GPD1L: variants seen among roughly 807,000 people sequenced by gnomAD.
The protein encoded by GPD1L is glycerol-3-phosphate dehydrogenase 1 like.
Under a neutral mutation model 32.9 loss-of-function variants are expected in GPD1L, and 17 were observed. The ratio of observed to expected loss-of-function variants is 0.52; its 90% CI spans 0.35 to 0.78. The LOEUF (loss-of-function observed/expected upper bound fraction) is 0.78, where lower values mean the gene tolerates loss of function less well. Among genes scored for constraint, GPD1L ranks in the 30% least tolerant of loss-of-function variants. The pLI, the probability that GPD1L is intolerant of heterozygous loss-of-function variation, is 0.01. For missense variants in GPD1L, 361 were observed against 447.8 expected (o/e 0.81, Z 1.75); for synonymous variants, 187 against 165.9 (o/e 1.13, Z -0.98).
intron 1 of GPD1L, among the ~76,000 whole-genome samples, chr3:32,119,378 TC>T (rs1169550411): frequency 4.6e-5 from 7 of 152,210 alleles, no homozygotes; most frequent in Admixed American, 1.3e-4. Context: ...CAATTTTACA[TC>T]CTTTTTGTTA....
intron 2 of GPD1L, among the ~76,000 whole-genome samples, chr3:32,128,703 C>T (rs1700547211): frequency 6.6e-6 from 1 of 152,184 alleles, no homozygotes; most frequent in South Asian, 2.1e-4. Context: ...TTTTAAGACA[C>T]TGTTTCCAGA....
Position 32,165,903 on chromosome 3 carries a change from A to G in GPD1L, c.1049A>G (p.His350Arg), listed in dbSNP as rs1241638042. 3 of 1,571,492 alleles carry G rather than the reference A, an allele frequency of 1.9e-6. No individual in the cohort carries two copies. Among genetic ancestry groups the G allele is most frequent in the Non-Finnish European group, 2.6e-6 (3 of 1,140,874 alleles). The change falls in exon 8 of 8, where the codon CAT (histidine) becomes CGT (arginine). Residue 350 changes from histidine to arginine, a missense_variant. Coordinates refer to ENST00000282541, the MANE Select transcript of GPD1L (RefSeq NM_015141.4). ...TCTTGTCTTCAGAGCCATCCAGAGC[A>G]TACATAAAGTGAATCATGCAACGTG... is the stretch of plus-strand genomic sequence containing the variant. ...MLSCLQSHPEHT is the reference protein window; with the variant it reads ...MLSCLQSHPERT
intron 1 of GPD1L, among the ~76,000 whole-genome samples, chr3:32,107,433 T>C (rs143455295): frequency 5.3e-5 from 8 of 152,310 alleles, no homozygotes; most frequent in Non-Finnish European, 7.4e-5. Context: ...ACATTAGAAA[T>C]GTCAGTTCTT....
intron 1 of GPD1L, among the ~76,000 whole-genome samples, chr3:32,111,425 C>T (rs747400127): frequency 6.6e-6 from 1 of 152,184 alleles, no homozygotes; most frequent in Non-Finnish European, 1.5e-5. Flanking sequence ...AAGCGCTTCT[C>T]TCTAAGAATC....
chr3:32,124,175 C>T (rs555845028), intron 1 of GPD1L, among the ~76,000 whole-genome samples: 2 of 152,306 alleles, frequency 1.3e-5, no homozygotes, highest in South Asian at 4.1e-4. Context: ...AAGCGATTCT[C>T]CTGCCTCAGC....
chr3:32,118,327 A>G (rs1700358956), intron 1 of GPD1L, among the ~76,000 whole-genome samples: 1 of 152,240 alleles, frequency 6.6e-6, no homozygotes, highest in Admixed American at 6.5e-5. Flanking sequence ...TATTCATGCA[A>G]CAAATGTTTG....
intron 1 of GPD1L, among the ~76,000 whole-genome samples, chr3:32,112,007 G>A (rs567606627): frequency 2.6e-5 from 4 of 152,160 alleles, no homozygotes; most frequent in Non-Finnish European, 4.4e-5. Flanking sequence ...GAGGACAGGC[G>A]CACGGACACA....
At chr3:32,141,253 T>A (rs1700738469) in intron 4 of GPD1L, among the ~76,000 whole-genome samples, 1 of 152,218 alleles carries the variant, frequency 6.6e-6, no homozygotes, top group African/African-American at 2.4e-5. Flanking sequence ...GTAGGACTTT[T>A]TAGGATTTTT....
In GPD1L at chr3:32,152,289, AATTCT is replaced by A. The variant is rs573778423; in HGVS notation, c.618+5563_618+5567del. ...ATGTAAAATCCAGAATGTATATGAC[AATTCT>A]ATTCTATAGAATTCGCAGGGATCCA... is the stretch of plus-strand genomic sequence containing the variant. On this transcript the variant is annotated intron_variant, in intron 5 of 7. Transcript: ENST00000282541. 1.7e-3 allele frequency among the ~76,000 whole-genome samples: 261 copies of A among 152,312 alleles called. 1 individual carries two copies. The Middle Eastern group carries it at 0.034, about 20-fold the overall frequency.
intron 2 of GPD1L, among the ~76,000 whole-genome samples, chr3:32,131,547 T>C (rs1217428374): frequency 6.6e-6 from 1 of 152,232 alleles, no homozygotes; most frequent in Non-Finnish European, 1.5e-5. Context: ...TGCATAATGC[T>C]GTGAAGCTCC....
At chr3:32,159,525 C>G in intron 6 of GPD1L, 43 bp from the exon 7 acceptor site, 5 of 1,089,930 alleles carry the variant, frequency 4.6e-6, no homozygotes, top group Non-Finnish European at 7.0e-6. Context: ...ATTCTTTAGT[C>G]TTTACCATAG....
chr3:32,125,864 T>C (rs1181867512), intron 1 of GPD1L, among the ~76,000 whole-genome samples: 1 of 152,216 alleles, frequency 6.6e-6, no homozygotes, highest in Non-Finnish European at 1.5e-5. Flanking sequence ...AAATTATTGA[T>C]GAAACCAGGA....
At chr3:32,152,666 C>T (rs1329208542) in intron 5 of GPD1L, among the ~76,000 whole-genome samples, 1 of 152,130 alleles carries the variant, frequency 6.6e-6, no homozygotes, top group Non-Finnish European at 1.5e-5. Flanking sequence ...GGCCCCACCT[C>T]CCAACACTGC....
Position 32,138,594 on chromosome 3 carries a change from T to A in GPD1L, c.233T>A (p.Met78Lys). The A allele has an allele frequency of 6.2e-7, 1 of 1,614,072 alleles. No homozygotes were observed. Among genetic ancestry groups the A allele is most frequent in the Non-Finnish European group, 8.5e-7 (1 of 1,179,938 alleles). ...GHKLPENVVAMSNLSEAVQDA... is the reference protein window; with the variant it reads ...GHKLPENVVAKSNLSEAVQDA... The stretch of plus-strand genomic sequence containing the variant: ...TCTGCCTTTTGGTTGCAGGTTGCCA[T>A]GTCAAATCTTAGCGAGGCTGTGCAG... Residue 78 changes from methionine (M) to lysine (K), a missense_variant, in exon 3 of 8, where the codon ATG (methionine) becomes AAG (lysine). Met to Lys is a moderately conservative substitution (Grantham distance 95). Transcript: ENST00000282541.
rs760287995 is a variant in GPD1L at position 32,138,585 on chromosome 3, A to G, written c.226-2A>G. On this transcript the variant is annotated splice_acceptor_variant, in intron 2 of 7. Coordinates refer to ENST00000282541, the MANE Select transcript of GPD1L (RefSeq NM_015141.4). LOFTEE classifies it high-confidence loss of function. Reference sequence around the variant, plus strand: ...ACGGTCTTCTCTGCCTTTTGGTTGCAGGTTGCCATGTCAAATCTTAGCGAG... The same window carrying G: ...ACGGTCTTCTCTGCCTTTTGGTTGCGGGTTGCCATGTCAAATCTTAGCGAG... 6.2e-7 allele frequency: 1 copy of G among 1,613,984 alleles called. No homozygotes were observed. Among genetic ancestry groups the G allele is most frequent in the South Asian group, 1.1e-5 (1 of 91,084 alleles).
chr3:32,140,243 C>A lies in GPD1L; in HGVS notation c.382C>A (p.Pro128Thr), dbSNP rs1316844789. Residue 128 changes from proline (P) to threonine (T), a missense_variant, in exon 4 of 8, where the codon CCC (proline) becomes ACC (threonine). By Grantham distance (38) the Pro-to-Thr change is conservative (BLOSUM62 -1). Transcript: ENST00000282541. ...ITLIKGIDEG[P>T]EGLKLISDII... is the part of the protein sequence containing the mutation. ...ATCCTTGTAGGGCATAGACGAGGGC[C>A]CCGAGGGGCTGAAGCTCATTTCTGA... 6.2e-7 allele frequency: 1 copy of A among 1,613,922 alleles called. No homozygotes were observed. The highest frequency in any genetic ancestry group is 1.3e-5 in the African/African-American group (1 of 74,876).
Position 32,164,354 on chromosome 3 carries a change from C to T in GPD1L, c.960-1460C>T, listed in dbSNP as rs188062957. ...CAGGAATTTATTCAACGAATTCTCA[C>T]GGAGCACCTGCCCCTTGCCGTGCAT... On this transcript the variant is annotated intron_variant, in intron 7 of 7. Coordinates refer to ENST00000282541, the MANE Select transcript of GPD1L (RefSeq NM_015141.4). Among the ~76,000 whole-genome samples, 135 of 152,332 alleles carry T rather than the reference C, an allele frequency of 8.9e-4. 1 individual carries two copies. The highest frequency in any genetic ancestry group is 1.4e-3 in the Non-Finnish European group (92 of 68,032).
intron 1 of GPD1L, among the ~76,000 whole-genome samples, chr3:32,113,008 C>T (rs183790086): frequency 1.2e-3 from 178 of 152,248 alleles, no homozygotes; most frequent in Non-Finnish European, 2.2e-3. Flanking sequence ...CAGTGTGAAG[C>T]ATACTTTCAC....
chr3:32,163,981 A>G (rs909847678), intron 7 of GPD1L, among the ~76,000 whole-genome samples: 1 of 152,204 alleles, frequency 6.6e-6, no homozygotes, highest in African/African-American at 2.4e-5. Flanking sequence ...TCCAGGCATC[A>G]CATTCACTTT....
Sources: allele counts gnomAD v4.1 joint callset (sites outside exome capture counted in the v4.1 genomes callset), GRCh38; gene constraint gnomAD v4.1.1; transcripts MANE v1.5; gene names NCBI Gene and HGNC (gene_info 2026-07-23, HGNC 2026-07-21).